The following RGS6 variants were observed in gnomAD, a reference collection of about 807,000 sequenced individuals.
RGS6 encodes regulator of G protein signaling 6.
RGS6 carries 30 observed loss-of-function variants against 78.5 expected under a neutral mutation model. That is an observed-to-expected ratio of 0.38 (90% CI 0.29 to 0.52). The LOEUF is 0.52. Ranked by LOEUF, RGS6 falls within the 20% of genes least tolerant of loss-of-function variation. The pLI is 0.85. For missense variants in RGS6, 495 were observed against 609.7 expected (o/e 0.81, Z 1.98); for synonymous variants, 206 against 206.0 (o/e 1.00, Z 0.00).
chr14:72,388,249 CAT>C (rs561041687), intron 3 of RGS6, among the ~76,000 whole-genome samples: 6,281 of 152,040 alleles, frequency 0.041, 178 homozygotes, highest in Middle Eastern at 0.071. Context: ...CACACATACA[CAT>C]ATATATATAC....
chr14:72,251,646 G>C (rs2055811564), intron 2 of RGS6, among the ~76,000 whole-genome samples: 1 of 152,192 alleles, frequency 6.6e-6, no homozygotes, highest in Admixed American at 6.5e-5. Context: ...TTATGAGTGA[G>C]AGCTAAATGT....
chr14:72,147,463 C>T (rs1435187955), intron 2 of RGS6, among the ~76,000 whole-genome samples: 4 of 152,172 alleles, frequency 2.6e-5, no homozygotes, highest in African/African-American at 9.7e-5. Flanking sequence ...CAAGAGAGAA[C>T]AAAAGAGGGC....
chr14:72,558,949 G>A (rs1035302659), intron 17 of RGS6, among the ~76,000 whole-genome samples: 9 of 152,118 alleles, frequency 5.9e-5, no homozygotes, highest in Admixed American at 6.5e-5. Flanking sequence ...CCAAGGCCTC[G>A]GGCTGAGCTG....
At chr14:72,555,131 A>C (rs2097554175) in intron 17 of RGS6, among the ~76,000 whole-genome samples, 1 of 152,190 alleles carries the variant, frequency 6.6e-6, no homozygotes, top group African/African-American at 2.4e-5. Flanking sequence ...GGTTTTCATT[A>C]GAGTAAGGCC....
At chr14:72,345,890 A>G (rs1036158653) in intron 2 of RGS6, among the ~76,000 whole-genome samples, 4 of 152,160 alleles carry the variant, frequency 2.6e-5, no homozygotes, top group African/African-American at 9.7e-5. Flanking sequence ...TGGAACACAT[A>G]TGGGGCAGAG....
chr14:72,465,634 A>ATGGC (rs1360627391), intron 6 of RGS6, 124 bp from the exon 7 acceptor site: 1 of 643,794 alleles, frequency 1.6e-6, no homozygotes, highest in Non-Finnish European at 2.8e-6. Flanking sequence ...GGATGGATGG[A>ATGGC]TGGATGGATG....
chr14:72,049,321 C>A (rs1392785351), intron 2 of RGS6, among the ~76,000 whole-genome samples: 1 of 152,066 alleles, frequency 6.6e-6, no homozygotes, highest in Non-Finnish European at 1.5e-5. Flanking sequence ...TTTTGGAATA[C>A]AGAAGAGCTG....
chr14:72,021,210 ATCT>A (rs1464368660), intron 2 of RGS6, among the ~76,000 whole-genome samples: 1 of 152,054 alleles, frequency 6.6e-6, no homozygotes, highest in Non-Finnish European at 1.5e-5. Flanking sequence ...TGACAGCAAA[ATCT>A]TCTTTCCCAC....
intron 2 of RGS6, among the ~76,000 whole-genome samples, chr14:72,343,165 T>C (rs1046886300): frequency 2.4e-4 from 36 of 152,226 alleles, no homozygotes; most frequent in African/African-American, 7.0e-4. Flanking sequence ...CATTATCTTA[T>C]AGTTCTGAAG....
chr14:72,323,654 T>C (rs2072769214), intron 2 of RGS6, among the ~76,000 whole-genome samples: 1 of 151,398 alleles, frequency 6.6e-6, no homozygotes, highest in African/African-American at 2.4e-5. Context: ...ATACAAATAT[T>C]AGCTGGGTGT....
chr14:72,204,034 G>A (rs2042173901), intron 2 of RGS6, among the ~76,000 whole-genome samples: 2 of 151,896 alleles, frequency 1.3e-5, no homozygotes, highest in African/African-American at 4.8e-5. Flanking sequence ...ATGTTGGCCA[G>A]GCTGGTCTCA....
rs8021271 is a variant in RGS6, at chr14:72,368,085, G to A, written c.184+15891G>A. ...TGTTGTAACAGAATGCCACAGACTG[G>A]GCAAAGAAGAGAGAAATGTATTTCT... On this transcript the variant is annotated intron_variant, in intron 3 of 17. Transcript: ENST00000553525. Among the ~76,000 whole-genome samples the A allele has an allele frequency of 2.7e-3, 411 of 152,238 alleles. 1 individual carries two copies. The highest frequency in any genetic ancestry group is 9.2e-3 in the African/African-American group (384 of 41,536).
intron 2 of RGS6, among the ~76,000 whole-genome samples, chr14:72,041,383 G>T (rs1375709328): frequency 6.6e-6 from 1 of 152,170 alleles, no homozygotes; most frequent in Admixed American, 6.5e-5. Flanking sequence ...TGCTTTCTCT[G>T]TGACACTCCA....
Position 72,476,822 on chromosome 14 carries a change from A to G in RGS6, c.774A>G (p.Lys258=). ...GCCAACCAATCAGGAAAACAACAAA[A>G]GAGGACATCCGGAAACAGGTGAATG... The part of the protein sequence containing the change: ...VLSQPIRKTT[K]EDIRKQITFL... Residue 258 remains lysine (K), a synonymous_variant, in exon 11 of 18, where the codon AAA becomes AAG. Transcript: ENST00000553525. 6.2e-7 allele frequency: 1 copy of G among 1,614,172 alleles called. No homozygotes were observed. The highest frequency in any genetic ancestry group is 8.5e-7 in the Non-Finnish European group (1 of 1,179,990).
chr14:72,345,764 G>T (rs889809519), intron 2 of RGS6, among the ~76,000 whole-genome samples: 1 of 152,192 alleles, frequency 6.6e-6, no homozygotes, highest in African/African-American at 2.4e-5. Context: ...CATGGCACTT[G>T]GTAGGTGCTC....
intron 2 of RGS6, among the ~76,000 whole-genome samples, chr14:72,141,767 C>A (rs1336714004): frequency 6.6e-6 from 1 of 152,056 alleles, no homozygotes; most frequent in East Asian, 1.9e-4. Context: ...CAACTCTGAA[C>A]ACATCTCTGT....
At chr14:72,575,958 C>T in the RGS6 span, among the ~76,000 whole-genome samples, 1 of 152,246 alleles carries the variant, frequency 6.6e-6, no homozygotes, top group Non-Finnish European at 1.5e-5. Flanking sequence ...AATGTCTTCT[C>T]AGACGGCCAG....
intron 15 of RGS6, among the ~76,000 whole-genome samples, chr14:72,523,156 C>A (rs2097071955): frequency 6.6e-6 from 1 of 152,162 alleles, no homozygotes; most frequent in South Asian, 2.1e-4. Context: ...CCAGGACTTG[C>A]ACTCAGATGT....
intron 2 of RGS6, among the ~76,000 whole-genome samples, chr14:72,080,894 C>G (rs1301169881): frequency 6.6e-6 from 1 of 152,116 alleles, no homozygotes; most frequent in Non-Finnish European, 1.5e-5. Context: ...GTTTTTATGG[C>G]AGTACCATGC....
Sources: gnomAD v4.1 joint callset for allele counts (sites outside exome capture counted in the v4.1 genomes callset) on GRCh38, gnomAD v4.1.1 for gene constraint, MANE v1.5 for transcripts, NCBI Gene and HGNC (gene_info 2026-07-23, HGNC 2026-07-21) for gene names.